ZBTB46: variants seen among roughly 807,000 people sequenced by gnomAD.
ZBTB46 encodes the protein zinc finger and BTB domain containing 46, also known as zinc finger and BTB domain-containing protein 46.
A neutral mutation model predicts 44.1 loss-of-function variants in ZBTB46; 8 were observed. That is an observed-to-expected ratio of 0.18 (90% CI 0.11 to 0.33). The LOEUF (loss-of-function observed/expected upper bound fraction) is 0.33. Ranked by LOEUF, ZBTB46 falls within the 10% of genes least tolerant of loss-of-function variation. ZBTB46 has a pLI of 1.00. For synonymous variants in ZBTB46, 409 were observed against 382.3 expected (o/e 1.07, Z -0.81); for missense variants, 651 against 847.7 (o/e 0.77, Z 2.88).
chr20:63,815,691 G>A (rs926252508), intron 1 of ZBTB46, among the ~76,000 whole-genome samples: 4 of 147,208 alleles, frequency 2.7e-5, no homozygotes, highest in African/African-American at 1.0e-4. Context: ...TGCAGTGAGT[G>A]CAGGTGCAGG....
chr20:63,789,790 G>A (rs1568870553), intron 2 of ZBTB46, 31 bp downstream of exon 2: 3 of 1,578,318 alleles, frequency 1.9e-6, no homozygotes, highest in South Asian at 1.2e-5. Flanking sequence ...CACTGGGGCA[G>A]CTGAGCCCCC....
In ZBTB46 at chr20:63,744,479, G is replaced by A. The variant is rs77533182; in HGVS notation, c.*2451C>T. On this transcript the variant is annotated 3_prime_UTR_variant, in exon 5 of 5. Coordinates refer to ENST00000245663, the MANE Select transcript of ZBTB46 (RefSeq NM_001369741.1). ...TGTTGTAAACACCAAAATACAAACA[G>A]ACACAAACAAAAATACAAAATGTGA... 6.6e-6 allele frequency: 1 copy of A among 151,330 alleles called. No homozygotes were observed. The highest frequency in any genetic ancestry group is 1.5e-5 in the Non-Finnish European group (1 of 67,894). 9.4% of individuals were successfully genotyped at this position (151,330 alleles called of 1,614,324 possible).
Position 63,823,501 on chromosome 20 carries a change from A to AAAATAAATAAATAAAT in ZBTB46, c.-34+7580_-34+7595dup, listed in dbSNP as rs150001627. On this transcript the variant is annotated intron_variant, in intron 1 of 4. Transcript: ENST00000245663. Reference sequence around the variant, plus strand: ...CGACAGAGTGAGACCCTGTCTCAAAAAAATAAATAAATAAATAAGATAAAA... The same window carrying AAAATAAATAAATAAAT: ...CGACAGAGTGAGACCCTGTCTCAAAAAAATAAATAAATAAATAAATAAATAAATAAATAAGATAAAA... Among the ~76,000 whole-genome samples, 481 of 151,040 alleles carry AAAATAAATAAATAAAT rather than the reference A, an allele frequency of 3.2e-3. 3 individuals are homozygous for AAAATAAATAAATAAAT. Among genetic ancestry groups the AAAATAAATAAATAAAT allele is most frequent in the African/African-American group, 8.1e-3 (332 of 40,974 alleles).
chr20:63,810,741 G>A (rs1458528975), intron 1 of ZBTB46, among the ~76,000 whole-genome samples: 1 of 152,124 alleles, frequency 6.6e-6, no homozygotes, highest in Non-Finnish European at 1.5e-5. Context: ...GTGAGACTCT[G>A]TCTCAAAAAA....
chr20:63,760,449 C>T (rs1376592815), intron 3 of ZBTB46, among the ~76,000 whole-genome samples: 1 of 151,928 alleles, frequency 6.6e-6, no homozygotes, highest in Non-Finnish European at 1.5e-5. Flanking sequence ...TCACTTTTCA[C>T]AGGAGTTATA....
intron 1 of ZBTB46, among the ~76,000 whole-genome samples, chr20:63,817,947 G>A (rs1039495536): frequency 1.3e-5 from 2 of 152,152 alleles, no homozygotes; most frequent in East Asian, 1.9e-4. Context: ...CTCCAGCCCT[G>A]TGACAGAATA....
At chr20:63,756,873 C>T (rs2092225171) in intron 3 of ZBTB46, among the ~76,000 whole-genome samples, 1 of 152,254 alleles carries the variant, frequency 6.6e-6, no homozygotes, top group East Asian at 1.9e-4. Flanking sequence ...CATGACACCA[C>T]TAAGCCACAT....
chr20:63,808,983 AAAAAAAAAAAAAAAAAG>A (rs2092701088), intron 1 of ZBTB46, among the ~76,000 whole-genome samples: 1 of 104,722 alleles, frequency 9.5e-6, no homozygotes, highest in African/African-American at 4.0e-5. Flanking sequence ...CTTCAAAAAA[AAAAAAAAAAAAAAAAAG>A]AAAAAGAAAA....
chr20:63,770,650 A>C (rs1398261455), intron 3 of ZBTB46, among the ~76,000 whole-genome samples: 1 of 152,118 alleles, frequency 6.6e-6, no homozygotes, highest in Non-Finnish European at 1.5e-5. Context: ...CTAAATTCAG[A>C]AATCTGCGAC....
At chr20:63,800,977 G>C (rs2092639849) in intron 1 of ZBTB46, among the ~76,000 whole-genome samples, 1 of 152,258 alleles carries the variant, frequency 6.6e-6, no homozygotes, top group Non-Finnish European at 1.5e-5. Context: ...GATCCACTCG[G>C]TGAAGACAGC....
At chr20:63,804,729 C>T (rs534351852) in intron 1 of ZBTB46, among the ~76,000 whole-genome samples, 287 of 151,774 alleles carry the variant, frequency 1.9e-3, no homozygotes, top group African/African-American at 6.1e-3. Context: ...CCGTCTCTAC[C>T]AAAATTAAAA....
At chr20:63,795,772 G>A (rs755568706) in intron 1 of ZBTB46, among the ~76,000 whole-genome samples, 6 of 152,214 alleles carry the variant, frequency 3.9e-5, no homozygotes, top group Non-Finnish European at 8.8e-5. Flanking sequence ...GCCAAACGTG[G>A]CTTCTATCCT....
At chr20:63,830,984 C>T (rs2092847783) in intron 1 of ZBTB46, 113 bp downstream of exon 1, 1 of 141,312 alleles carries the variant, frequency 7.1e-6, no homozygotes, top group Non-Finnish European at 1.6e-5. Flanking sequence ...CGGCCGGCGG[C>T]GGGGGCGCGC....
rs530762569 is a variant in ZBTB46 at position 63,771,142 on chromosome 20, A to C, written c.1222+4536T>G. Among the ~76,000 whole-genome samples, 668 of 151,970 alleles carry C rather than the reference A, an allele frequency of 4.4e-3. 7 individuals are homozygous for C. The highest frequency in any genetic ancestry group is 7.8e-3 in the Non-Finnish European group (527 of 67,770). On this transcript the variant is annotated intron_variant, in intron 3 of 4. Transcript: ENST00000245663. ...TTGAAGCTGCGTTCCTCCTGCTCTG[A>C]GGGCTGGGTACCGGGGACCCTCGCC...
At chr20:63,747,744 C>T (rs1393810110) in intron 4 of ZBTB46, among the ~76,000 whole-genome samples, 1 of 152,094 alleles carries the variant, frequency 6.6e-6, no homozygotes, top group Non-Finnish European at 1.5e-5. Context: ...GATGCTGGCA[C>T]GAGGGCGGCA....
At chr20:63,808,313 C>G (rs1276659992) in intron 1 of ZBTB46, among the ~76,000 whole-genome samples, 1 of 152,240 alleles carries the variant, frequency 6.6e-6, no homozygotes, top group Non-Finnish European at 1.5e-5. Context: ...GCCAGTCAAG[C>G]CATCCTTCCC....
intron 1 of ZBTB46, among the ~76,000 whole-genome samples, chr20:63,816,140 G>A (rs567272727): frequency 1.9e-5 from 2 of 104,246 alleles, no homozygotes; most frequent in South Asian, 5.9e-4. Flanking sequence ...AGGTGCAGTG[G>A]GTGCAGGTGC....
chr20:63,794,795 A>G (rs533001835), intron 1 of ZBTB46, among the ~76,000 whole-genome samples: 26 of 139,720 alleles, frequency 1.9e-4, no homozygotes, highest in Admixed American at 1.3e-3. Context: ...GGAGGAGCAC[A>G]AGATCTAACG....
rs1407400170 is a variant in ZBTB46 at position 63,816,127 on chromosome 20, C to A, written c.-34+14970G>T. ...CGCAGGTGCAGTGGGCGCAGGTGGG[C>A]GCAGGTGCAGTGGGTGCAGGTGCAG... On this transcript the variant is annotated intron_variant, in intron 1 of 4. Coordinates refer to ENST00000245663, the MANE Select transcript of ZBTB46 (RefSeq NM_001369741.1). Among the ~76,000 whole-genome samples the A allele has an allele frequency of 2.9e-5, 4 of 138,944 alleles. No homozygotes were observed. In the South Asian group the frequency reaches 9.5e-4, roughly 33 times the overall value. The allele number at this position is 138,944 out of a possible 152,430, so 91.2% of individuals were successfully genotyped here.
Sources: allele counts gnomAD v4.1 joint callset (sites outside exome capture counted in the v4.1 genomes callset), GRCh38; gene constraint gnomAD v4.1.1; transcripts MANE v1.5; gene names NCBI Gene and HGNC (gene_info 2026-07-23, HGNC 2026-07-21).